The following ZBTB20 variants were observed in gnomAD, a reference collection of about 807,000 sequenced individuals.
ZBTB20 encodes zinc finger and BTB domain containing 20.
ZBTB20 carries 9 observed loss-of-function variants against 56.9 expected under a neutral mutation model. The ratio of observed to expected loss-of-function variants is 0.16; its 90% CI spans 0.10 to 0.28. The LOEUF (loss-of-function observed/expected upper bound fraction) is 0.28. Ranked by LOEUF, ZBTB20 falls within the 10% of genes least tolerant of loss-of-function variation. The probability of loss-of-function intolerance (pLI) is 1.00; values close to 1 mark genes in which losing one functional copy is unlikely to be tolerated. For missense variants in ZBTB20, 655 were observed against 1,003.0 expected, an observed-to-expected ratio of 0.65 and a Z score of 4.69; for synonymous variants, 417 against 420.7, an observed-to-expected ratio of 0.99 and a Z score of 0.11.
chr3:114,460,764 C>T (rs531389889), intron 7 of ZBTB20, among the ~76,000 whole-genome samples: 2 of 152,310 alleles, frequency 1.3e-5, no homozygotes, highest in East Asian at 3.9e-4. Context: ...GGACCATCAG[C>T]TACCTTGATC....
chr3:114,644,507 G>A (rs927207682), intron 6 of ZBTB20, among the ~76,000 whole-genome samples: 2 of 152,032 alleles, frequency 1.3e-5, no homozygotes, highest in Non-Finnish European at 2.9e-5. Context: ...TAAACGCTCA[G>A]CATTACTAAT....
chr3:115,016,221 T>C lies in ZBTB20; in HGVS notation c.-506-41805A>G, dbSNP rs868739947. Among the ~76,000 whole-genome samples, 22 of 152,136 alleles carry C rather than the reference T, an allele frequency of 1.4e-4. 1 individual carries two copies. In the Middle Eastern group the frequency reaches 0.014, roughly 94 times the overall value. ...TTGTAGACTCTGGATATTAGACCTT[T>C]GTCAGATGGGTAGAATGCAAAAATT... On this transcript the variant is annotated intron_variant, in intron 2 of 11. Coordinates refer to ENST00000675478, the MANE Select transcript of ZBTB20 (RefSeq NM_001348800.3).
At chr3:114,936,385 C>A (rs2076535586) in intron 3 of ZBTB20, among the ~76,000 whole-genome samples, 1 of 152,040 alleles carries the variant, frequency 6.6e-6, no homozygotes, top group South Asian at 2.1e-4. Flanking sequence ...CTGCTGCTGG[C>A]AAATCATAAA....
intron 6 of ZBTB20, among the ~76,000 whole-genome samples, chr3:114,620,645 A>C (rs1006467898): frequency 1.3e-5 from 2 of 152,212 alleles, no homozygotes; most frequent in African/African-American, 4.8e-5. Flanking sequence ...ACTGACATGT[A>C]GATATCCATT....
chr3:114,498,326 C>T (rs2043527487), intron 7 of ZBTB20, among the ~76,000 whole-genome samples: 1 of 152,156 alleles, frequency 6.6e-6, no homozygotes, highest in Admixed American at 6.5e-5. Flanking sequence ...TGATACTGGA[C>T]TAAATGCACT....
At chr3:114,696,820 A>C (rs1454264011) in intron 5 of ZBTB20, among the ~76,000 whole-genome samples, 1 of 152,088 alleles carries the variant, frequency 6.6e-6, no homozygotes, top group Non-Finnish European at 1.5e-5. Context: ...AAAAAGAGAG[A>C]GAGAAAGAGA....
In ZBTB20 at chr3:115,024,701, T is replaced by C. The variant is rs141481180; in HGVS notation, c.-507+46518A>G. Among the ~76,000 whole-genome samples the C allele has an allele frequency of 6.0e-5, 9 of 151,166 alleles. No individual in the cohort carries two copies. The East Asian group carries it at 1.8e-3, about 30-fold the overall frequency. ...TTTCAAGAACTGTACAGTAGGCCAT[T>C]AGAAAAGTAAAACTTTCCTCATACA... On this transcript the variant is annotated intron_variant, in intron 2 of 11. Coordinates refer to ENST00000675478, the MANE Select transcript of ZBTB20 (RefSeq NM_001348800.3).
chr3:115,145,954 T>C (rs1299346343), intron 1 of ZBTB20, among the ~76,000 whole-genome samples: 2 of 152,206 alleles, frequency 1.3e-5, no homozygotes, highest in Middle Eastern at 3.2e-3. Flanking sequence ...AGCTGAAATG[T>C]ATACACCGCC....
At chr3:114,882,276 T>C (rs1403467560) in intron 4 of ZBTB20, among the ~76,000 whole-genome samples, 1 of 152,000 alleles carries the variant, frequency 6.6e-6, no homozygotes, top group Non-Finnish European at 1.5e-5. Context: ...TTCACTTTTC[T>C]GATTAGGAAA....
chr3:114,893,730 G>C (rs2074735333), intron 4 of ZBTB20, among the ~76,000 whole-genome samples: 1 of 151,740 alleles, frequency 6.6e-6, no homozygotes, highest in Admixed American at 6.6e-5. Context: ...AAAAAGATGA[G>C]GAAGGGGAGG....
At chr3:114,576,306 T>C (rs2054008292) in intron 6 of ZBTB20, among the ~76,000 whole-genome samples, 1 of 151,548 alleles carries the variant, frequency 6.6e-6, no homozygotes, top group South Asian at 2.1e-4. Context: ...GAGACCATCC[T>C]GGCTAACACA....
At chr3:114,976,279 G>A (rs1186009110) in intron 2 of ZBTB20, among the ~76,000 whole-genome samples, 2 of 152,094 alleles carry the variant, frequency 1.3e-5, no homozygotes, top group Non-Finnish European at 2.9e-5. Flanking sequence ...CTCAAAGGAC[G>A]TAAGAATAAT....
At chr3:115,069,005 A>T (rs1478532941) in intron 2 of ZBTB20, among the ~76,000 whole-genome samples, 1 of 152,140 alleles carries the variant, frequency 6.6e-6, no homozygotes, top group Non-Finnish European at 1.5e-5. Flanking sequence ...CCTACTCTGA[A>T]GTGTGAGTCT....
intron 5 of ZBTB20, among the ~76,000 whole-genome samples, chr3:114,739,103 T>C (rs2066393149): frequency 1.3e-5 from 2 of 152,264 alleles, no homozygotes; most frequent in South Asian, 2.1e-4. Context: ...AAAGAACTAA[T>C]GCTGAGCAGA....
intron 2 of ZBTB20, among the ~76,000 whole-genome samples, chr3:115,050,139 A>G (rs1239465882): frequency 1.2e-4 from 19 of 152,060 alleles, no homozygotes; most frequent in Non-Finnish European, 2.8e-4. Context: ...AAAACATGTT[A>G]TAACTAAAAT....
intron 6 of ZBTB20, among the ~76,000 whole-genome samples, chr3:114,573,332 C>T (rs1471427818): frequency 6.6e-6 from 1 of 151,722 alleles, no homozygotes; most frequent in Admixed American, 6.6e-5. Flanking sequence ...TGGTGGCACG[C>T]CCCTGTAGTC....
chr3:115,032,085 C>T (rs2080708805), intron 2 of ZBTB20, among the ~76,000 whole-genome samples: 1 of 151,408 alleles, frequency 6.6e-6, no homozygotes, highest in South Asian at 2.1e-4. Context: ...GTGGTAAGGA[C>T]CATGACTTCT....
chr3:114,655,648 A>C (rs1314814771), intron 6 of ZBTB20, among the ~76,000 whole-genome samples: 2 of 152,068 alleles, frequency 1.3e-5, no homozygotes, highest in Non-Finnish European at 2.9e-5. Context: ...ATTTTTTAGC[A>C]GTTGTTCTAA....
chr3:114,814,870 G>A (rs1266980801), intron 4 of ZBTB20, among the ~76,000 whole-genome samples: 1 of 152,112 alleles, frequency 6.6e-6, no homozygotes, highest in Non-Finnish European at 1.5e-5. Flanking sequence ...TGAGCAAAGG[G>A]TTTCTTTTAA....
Sources: gnomAD v4.1 joint callset for allele counts (sites outside exome capture counted in the v4.1 genomes callset) on GRCh38, gnomAD v4.1.1 for gene constraint, MANE v1.5 for transcripts, NCBI Gene and HGNC (gene_info 2026-07-23, HGNC 2026-07-21) for gene names.